Variants in DCDC2C observed in about 807,000 individuals in gnomAD.
DCDC2C encodes doublecortin domain-containing protein 2C.
A neutral mutation model predicts 45.0 loss-of-function variants in DCDC2C; 44 were observed. The ratio of observed to expected loss-of-function variants is 0.98; its 90% CI spans 0.77 to 1.26. The LOEUF (loss-of-function observed/expected upper bound fraction) is 1.26, where lower values mean the gene tolerates loss of function less well. Among genes scored for constraint, DCDC2C ranks in the 50% most tolerant of loss-of-function variants. DCDC2C has a pLI of 0.00. For synonymous variants in DCDC2C, 187 were observed against 178.8 expected, an observed-to-expected ratio of 1.05 and a Z score of -0.37; for missense variants, 447 against 468.9, an observed-to-expected ratio of 0.95 and a Z score of 0.43.
At chr2:3,759,667 T>C (rs1268709110) in intron 6 of DCDC2C, among the ~76,000 whole-genome samples, 1 of 152,212 alleles carries the variant, frequency 6.6e-6, no homozygotes, top group Non-Finnish European at 1.5e-5. Context: ...GTTGCTTTGC[T>C]CTAGACGAGC....
rs569805463 is a variant in DCDC2C, at chr2:3,769,332, C to T, written c.875C>T (p.Pro292Leu). Residue 292 changes from proline (P) to leucine (L), a missense_variant, in exon 8 of 11, where the codon CCG (proline) becomes CTG (leucine). Coordinates refer to ENST00000399143, the MANE Select transcript of DCDC2C (RefSeq NM_001287444.2). ...CCAGAAGGTGACGTGTATAAAGCAC[C>T]GACTCCTAGCAAGGAAACCCAAGGG... ...RGAEGDVYKA[P>L]TPSKETQGAL... The T allele has an allele frequency of 7.7e-6, 12 of 1,550,400 alleles. No individual in the cohort carries two copies. The highest frequency in any genetic ancestry group is 4.8e-5 in the South Asian group (4 of 84,026).
At chr2:3,792,420 A>C (rs970715372) in intron 10 of DCDC2C, among the ~76,000 whole-genome samples, 2 of 152,188 alleles carry the variant, frequency 1.3e-5, no homozygotes, top group African/African-American at 4.8e-5. Flanking sequence ...CATAATGCAC[A>C]AGCCATTGTA....
intron 6 of DCDC2C, among the ~76,000 whole-genome samples, chr2:3,756,372 T>C (rs141845489): frequency 1.3e-5 from 2 of 152,356 alleles, no homozygotes; most frequent in African/African-American, 2.4e-5. Flanking sequence ...CCCTCCCTAC[T>C]GTGACACACT....
chr2:3,718,435 G>C (rs562184664), intron 2 of DCDC2C, among the ~76,000 whole-genome samples: 23 of 152,132 alleles, frequency 1.5e-4, no homozygotes, highest in Non-Finnish European at 2.2e-4. Flanking sequence ...TTTTAGCAGG[G>C]AGTGCCTCTG....
intron 10 of DCDC2C, among the ~76,000 whole-genome samples, chr2:3,798,167 G>C (rs1671013310): frequency 6.6e-6 from 1 of 151,930 alleles, no homozygotes; most frequent in Non-Finnish European, 1.5e-5. Flanking sequence ...TTTAAAGTCT[G>C]TTTTATCAGA....
At chr2:3,799,956 C>G (rs1053802988) in intron 10 of DCDC2C, among the ~76,000 whole-genome samples, 1 of 152,214 alleles carries the variant, frequency 6.6e-6, no homozygotes. Context: ...GGCGGGCGCC[C>G]CTCCCCCAGC....
chr2:3,757,233 T>C (rs975048464), intron 6 of DCDC2C, among the ~76,000 whole-genome samples: 4 of 152,172 alleles, frequency 2.6e-5, no homozygotes, highest in African/African-American at 9.7e-5. Flanking sequence ...CATTTCTAAC[T>C]TGTTAAACCT....
intron 10 of DCDC2C, among the ~76,000 whole-genome samples, chr2:3,800,451 C>G (rs1368521793): frequency 6.6e-6 from 1 of 152,200 alleles, no homozygotes; most frequent in Non-Finnish European, 1.5e-5. Context: ...CAAACACTAT[C>G]AGTTGTTTTT....
intron 10 of DCDC2C, among the ~76,000 whole-genome samples, chr2:3,845,863 C>T (rs928487902): frequency 6.6e-6 from 1 of 152,176 alleles, no homozygotes; most frequent in Admixed American, 6.5e-5. Flanking sequence ...CATTTGTTGA[C>T]CACAGGGTCT....
chr2:3,803,831 C>T (rs1408997048), intron 10 of DCDC2C, among the ~76,000 whole-genome samples: 3 of 152,232 alleles, frequency 2.0e-5, no homozygotes, highest in Non-Finnish European at 4.4e-5. Flanking sequence ...ATGGCCTCAG[C>T]ACTGGCTGGT....
chr2:3,823,077 C>T (rs1054466695), intron 10 of DCDC2C, among the ~76,000 whole-genome samples: 3 of 152,124 alleles, frequency 2.0e-5, no homozygotes, highest in Non-Finnish European at 2.9e-5. Flanking sequence ...TGTAAATCTC[C>T]CAGTCTTGGG....
chr2:3,717,770 T>C (rs1668386471), intron 2 of DCDC2C, among the ~76,000 whole-genome samples: 1 of 152,196 alleles, frequency 6.6e-6, no homozygotes, highest in South Asian at 2.1e-4. Flanking sequence ...CTCCTCCCTC[T>C]GTGTCTAGGA....
intron 10 of DCDC2C, among the ~76,000 whole-genome samples, chr2:3,788,991 C>T (rs936167566): frequency 1.3e-4 from 19 of 152,000 alleles, no homozygotes; most frequent in African/African-American, 3.6e-4. Context: ...AGGCATGGCA[C>T]GTGTGCCGCC....
chr2:3,842,086 A>G (rs1223186437), intron 10 of DCDC2C, among the ~76,000 whole-genome samples: 1 of 152,114 alleles, frequency 6.6e-6, no homozygotes, highest in Non-Finnish European at 1.5e-5. Context: ...CTCATGTGCT[A>G]TTAATCATTT....
intron 1 of DCDC2C, 66 bp from the exon 2 acceptor site, chr2:3,708,483 G>A (rs17505481): frequency 0.42 from 541,539 of 1,274,754 alleles, 118,502 homozygotes; most frequent in Non-Finnish European, 0.45. Flanking sequence ...TCGTTTCTAA[G>A]GAGTCTGGAA....
At chr2:3,757,840 C>T (rs572763665) in intron 6 of DCDC2C, among the ~76,000 whole-genome samples, 1 of 152,180 alleles carries the variant, frequency 6.6e-6, no homozygotes, top group Non-Finnish European at 1.5e-5. Flanking sequence ...ATCATTGACG[C>T]CTCTCCTATA....
chr2:3,835,264 C>T (rs1219867045), intron 10 of DCDC2C, among the ~76,000 whole-genome samples: 1 of 152,148 alleles, frequency 6.6e-6, no homozygotes, highest in East Asian at 1.9e-4. Context: ...CAAGCCCACT[C>T]GTGGTGTTCT....
chr2:3,774,750 G>T (rs1670282607), intron 8 of DCDC2C, among the ~76,000 whole-genome samples: 1 of 150,904 alleles, frequency 6.6e-6, no homozygotes, highest in African/African-American at 2.4e-5. Context: ...AATAGTATTT[G>T]AAAAAATTTT....
At chr2:3,792,622 A>G (rs1670844243) in intron 10 of DCDC2C, among the ~76,000 whole-genome samples, 1 of 152,208 alleles carries the variant, frequency 6.6e-6, no homozygotes, top group Admixed American at 6.5e-5. Flanking sequence ...GGTTGTAAAT[A>G]TAAATTTTGG....
Sources: allele counts gnomAD v4.1 joint callset (sites outside exome capture counted in the v4.1 genomes callset), GRCh38; gene constraint gnomAD v4.1.1; transcripts MANE v1.5; gene names NCBI Gene and HGNC (gene_info 2026-07-23, HGNC 2026-07-21).